Variants in CSRP3 observed in about 807,000 individuals in gnomAD.
CSRP3 encodes cysteine and glycine-rich protein 3.
CSRP3 carries 24 observed loss-of-function variants against 24.3 expected under a neutral mutation model. The ratio of observed to expected loss-of-function variants is 0.99; its 90% CI spans 0.71 to 1.39. CSRP3 has a LOEUF of 1.39. Among genes scored for constraint, CSRP3 ranks in the 40% most tolerant of loss-of-function variants. The pLI, the probability that CSRP3 is intolerant of heterozygous loss-of-function variation, is 0.00. For missense variants in CSRP3, 240 were observed against 249.0 expected (o/e 0.96, Z 0.24); for synonymous variants, 105 against 94.0 (o/e 1.12, Z -0.68).
chr11:19,183,537 C>T (rs1397126161), intron 5 of CSRP3, among the ~76,000 whole-genome samples: 1 of 152,190 alleles, frequency 6.6e-6, no homozygotes, highest in Non-Finnish European at 1.5e-5. Flanking sequence ...AAGCTGGTTC[C>T]TCTCCTCTTT....
chr11:19,185,051 G>C lies in CSRP3; in HGVS notation c.415-6C>G. On this transcript the variant is annotated splice_polypyrimidine_tract_variant and splice_region_variant and intron_variant, in intron 4 of 5. Transcript: ENST00000265968. ...AAACAGGTCTTGTGCCAAGGCTGAGGGGCACAGAAAAGTTGCATATTTAAT... is the reference window on the plus strand; with the variant it reads ...AAACAGGTCTTGTGCCAAGGCTGAGCGGCACAGAAAAGTTGCATATTTAAT... 6.2e-7 allele frequency: 1 copy of C among 1,611,326 alleles called. No homozygotes were observed. The highest frequency in any genetic ancestry group is 2.2e-5 in the East Asian group (1 of 44,892).
At chr11:19,188,885 C>T (rs927400458) in intron 2 of CSRP3, among the ~76,000 whole-genome samples, 3 of 152,050 alleles carry the variant, frequency 2.0e-5, no homozygotes, top group African/African-American at 7.3e-5. Flanking sequence ...CTTCTATTGG[C>T]TCAAGCCCCC....
intron 3 of CSRP3, 36 bp from the exon 4 acceptor site, chr11:19,186,384 T>C: frequency 6.2e-7 from 1 of 1,614,088 alleles, no homozygotes; most frequent in Non-Finnish European, 8.5e-7. Flanking sequence ...AACGTAGATT[T>C]CCCTTGGCAA....
chr11:19,194,349 C>T (rs1850662861), intron 1 of CSRP3, among the ~76,000 whole-genome samples: 1 of 152,106 alleles, frequency 6.6e-6, no homozygotes, highest in Admixed American at 6.6e-5. Flanking sequence ...GGATCTTCTG[C>T]TAATTCAGTA....
intron 1 of CSRP3, among the ~76,000 whole-genome samples, chr11:19,196,102 A>C (rs1019638395): frequency 6.6e-6 from 1 of 152,110 alleles, no homozygotes; most frequent in Non-Finnish European, 1.5e-5. Flanking sequence ...ATCTCTACTA[A>C]AAATACAAAA....
At position 19,182,706 on chromosome 11, in the gene CSRP3, A is replaced by C; in HGVS notation, c.549T>G (p.Phe183Leu). The C allele has an allele frequency of 6.2e-7, 1 of 1,614,188 alleles. No homozygotes were observed. The highest frequency in any genetic ancestry group is 8.5e-7 in the Non-Finnish European group (1 of 1,180,034). Residue 183 changes from phenylalanine (F) to leucine (L), a missense_variant, in exon 6 of 6, where the codon TTT becomes TTG. Physicochemically the swap from Phe to Leu is conservative, Grantham distance 22. Coordinates refer to ENST00000265968, the MANE Select transcript of CSRP3 (RefSeq NM_003476.5). ...TTTCCACTTGTTGTGTAAGGCCTCC[A>C]AACCCAATACCCGTGGGGCCAAAAT... ...AKNFGPTGIGFGGLTQQVEKK... is the reference protein window; with the variant it reads ...AKNFGPTGIGLGGLTQQVEKK...
chr11:19,183,585 C>CT (rs1173674778), intron 5 of CSRP3, among the ~76,000 whole-genome samples: 6 of 151,520 alleles, frequency 4.0e-5, no homozygotes, highest in Admixed American at 1.3e-4. Flanking sequence ...CTACTATAGA[C>CT]TTTTTTTTTC....
At chr11:19,187,690 C>T (rs1210574546) in intron 3 of CSRP3, among the ~76,000 whole-genome samples, 3 of 152,198 alleles carry the variant, frequency 2.0e-5, no homozygotes, top group African/African-American at 7.2e-5. Flanking sequence ...CTTGCAGACA[C>T]ACTCCCCCTG....
rs189251153 is a variant in CSRP3 at position 19,187,427 on chromosome 11, C to T, written c.281+709G>A. Among the ~76,000 whole-genome samples, 50 of 152,338 alleles carry T rather than the reference C, an allele frequency of 3.3e-4. 1 individual carries two copies. The highest frequency in any genetic ancestry group is 1.1e-3 in the African/African-American group (47 of 41,576). ...GGCCAGTCGCAGTGCAGAGCTCAGCCTGGAGGCCAGCTGGCCAGAGAGTAG... is the reference window on the plus strand; with the variant it reads ...GGCCAGTCGCAGTGCAGAGCTCAGCTTGGAGGCCAGCTGGCCAGAGAGTAG... On this transcript the variant is annotated intron_variant, in intron 3 of 5. Transcript: ENST00000265968.
intron 2 of CSRP3, among the ~76,000 whole-genome samples, chr11:19,190,740 C>T (rs373063817): frequency 6.6e-5 from 10 of 152,118 alleles, no homozygotes; most frequent in African/African-American, 2.4e-4. Context: ...GAGTTGCCTG[C>T]GGACAGACAG....
chr11:19,182,659 G>C lies in CSRP3; in HGVS notation c.*11C>G, dbSNP rs748531257. 1.2e-6 allele frequency: 2 copies of C among 1,613,032 alleles called. No individual in the cohort carries two copies. Among genetic ancestry groups the C allele is most frequent in the Non-Finnish European group, 1.7e-6 (2 of 1,179,074 alleles). On this transcript the variant is annotated 3_prime_UTR_variant, in exon 6 of 6. Transcript: ENST00000265968. ...TAGGCTCGCAAAAAATCTGAGAAAC[G>C]GCGCACCTCTTCATTCTTTCTTTTC...
Position 19,182,469 on chromosome 11 carries a change from G to A in CSRP3, c.*201C>T, listed in dbSNP as rs1850451647. Reference sequence around the variant, plus strand: ...CATTCCAAGCATTATAAATAATAAAGCATTTGTTATAGATTAAACTTTACA... The same window carrying A: ...CATTCCAAGCATTATAAATAATAAAACATTTGTTATAGATTAAACTTTACA... On this transcript the variant is annotated 3_prime_UTR_variant, in exon 6 of 6. Transcript: ENST00000265968. 3 of 613,888 alleles carry A rather than the reference G, an allele frequency of 4.9e-6. No individual in the cohort carries two copies. The South Asian group carries it at 6.0e-5, about 12-fold the overall frequency. The allele number at this position is 613,888 out of a possible 1,614,324, so 38.0% of individuals were successfully genotyped here.
In CSRP3 at chr11:19,185,188, G is replaced by C. The variant is rs1010769840; in HGVS notation, c.415-143C>G. 8 of 719,950 alleles carry C rather than the reference G, an allele frequency of 1.1e-5. No individual in the cohort carries two copies. The African/African-American group carries it at 1.4e-4, about 13-fold the overall frequency. The allele number at this position is 719,950 out of a possible 1,614,324, so 44.6% of individuals were successfully genotyped here. A position where few individuals can be genotyped will look rare whatever the true frequency, so the allele number is the denominator to read the frequency against. On this transcript the variant is annotated intron_variant, in intron 4 of 5. Coordinates refer to ENST00000265968, the MANE Select transcript of CSRP3 (RefSeq NM_003476.5). ...AATGGGCCCCATAATTTCTCCAGGG[G>C]TTTGGAGAAAATGAGATGCTATGGC...
intron 1 of CSRP3, among the ~76,000 whole-genome samples, chr11:19,196,541 C>T (rs1850708942): frequency 6.6e-6 from 1 of 152,214 alleles, no homozygotes; most frequent in Non-Finnish European, 1.5e-5. Context: ...TTTCAGCTTC[C>T]CGCATTGCTT....
At chr11:19,189,950 A>G (rs1850588952) in intron 2 of CSRP3, among the ~76,000 whole-genome samples, 1 of 152,120 alleles carries the variant, frequency 6.6e-6, no homozygotes, top group African/African-American at 2.4e-5. Context: ...TCAGTTACCA[A>G]CCTCCACAAC....
intron 1 of CSRP3, among the ~76,000 whole-genome samples, chr11:19,200,063 C>T (rs565743886): frequency 5.9e-5 from 9 of 152,250 alleles, no homozygotes; most frequent in African/African-American, 2.2e-4. Context: ...GACCTCTGGA[C>T]TTTTATCAGC....
chr11:19,188,153 G>T lies in CSRP3; in HGVS notation c.264C>A (p.Leu88=), dbSNP rs758256351. Residue 88 remains leucine, a synonymous_variant, in exon 3 of 6, where the codon CTC becomes CTA. Coordinates refer to ENST00000265968, the MANE Select transcript of CSRP3 (RefSeq NM_003476.5). ...GCLSTDTGEH[L]GLQFQQSPKP... ...TAACTCACTGTTGGAACTGCAGGCC[G>T]AGATGCTCGCCCGTGTCTGTGCTGA... 1.2e-5 allele frequency: 19 copies of T among 1,614,048 alleles called. No individual in the cohort carries two copies. The East Asian group carries it at 3.6e-4, about 30-fold the overall frequency.
intron 5 of CSRP3, among the ~76,000 whole-genome samples, chr11:19,183,711 A>ACGTCT: frequency 6.6e-6 from 1 of 152,132 alleles, no homozygotes; most frequent in South Asian, 2.1e-4. Context: ...CTGCCAGGAG[A>ACGTCT]CGGCAATCAT....
chr11:19,193,880 A>G (rs894728144), intron 1 of CSRP3, among the ~76,000 whole-genome samples: 89 of 152,268 alleles, frequency 5.8e-4, no homozygotes, highest in Non-Finnish European at 1.5e-4. Flanking sequence ...TGTTTTTAGT[A>G]TGAATCCAAG....
Sources: allele counts gnomAD v4.1 joint callset (sites outside exome capture counted in the v4.1 genomes callset), GRCh38; gene constraint gnomAD v4.1.1; transcripts MANE v1.5; gene names NCBI Gene and HGNC (gene_info 2026-07-23, HGNC 2026-07-21).